Variants in RNF144B observed in about 807,000 individuals in gnomAD.
The protein encoded by RNF144B is ring finger protein 144B.
A neutral mutation model predicts 40.2 loss-of-function variants in RNF144B; 25 were observed. The ratio of observed to expected loss-of-function variants is 0.62; its 90% CI spans 0.45 to 0.87. RNF144B has a LOEUF of 0.87. RNF144B is among the 40% of genes least tolerant of loss of function. The pLI, the probability that RNF144B is intolerant of heterozygous loss-of-function variation, is 0.00. For synonymous variants in RNF144B, 145 were observed against 136.3 expected, an observed-to-expected ratio of 1.06 and a Z score of -0.44; for missense variants, 365 against 373.7, an observed-to-expected ratio of 0.98 and a Z score of 0.19.
At chr6:18,396,375 A>G in intron 1 of RNF144B, 1 of 956,354 alleles carries the variant, frequency 1.0e-6, no homozygotes, top group Non-Finnish European at 1.2e-6. Flanking sequence ...TTGTTTTTCA[A>G]GAGTACATTA....
At chr6:18,449,399 T>G (rs1759158185) in intron 4 of RNF144B, among the ~76,000 whole-genome samples, 1 of 152,220 alleles carries the variant, frequency 6.6e-6, no homozygotes, top group Non-Finnish European at 1.5e-5. Flanking sequence ...AGGCTTTATC[T>G]CTAGCAATTT....
At chr6:18,403,188 A>G (rs1345698641) in intron 2 of RNF144B, among the ~76,000 whole-genome samples, 1 of 152,228 alleles carries the variant, frequency 6.6e-6, no homozygotes, top group African/African-American at 2.4e-5. Flanking sequence ...GCGTTCTTTC[A>G]GATAATGCCA....
At position 18,467,971 on chromosome 6, in the gene RNF144B, C is replaced by G. The variant is rs1759608429; in HGVS notation, c.*2904C>G. On this transcript the variant is annotated 3_prime_UTR_variant, in exon 8 of 8. Coordinates refer to ENST00000259939, the MANE Select transcript of RNF144B (RefSeq NM_182757.4). ...CAGTTTTAACTGACAACTTTGATAACAGAGGCTGCTATTTTTGTTTTAGAT... is the reference window on the plus strand; with the variant it reads ...CAGTTTTAACTGACAACTTTGATAAGAGAGGCTGCTATTTTTGTTTTAGAT... 6.6e-6 allele frequency: 1 copy of G among 152,156 alleles called. No individual in the cohort carries two copies. Among genetic ancestry groups the G allele is most frequent in the Admixed American group, 6.5e-5 (1 of 15,274 alleles). The allele number at this position is 152,156 out of a possible 1,614,324, so 9.4% of individuals were successfully genotyped here.
chr6:18,405,462 A>C lies in RNF144B; in HGVS notation c.165+5763A>C, dbSNP rs1794885342. On this transcript the variant is annotated intron_variant, in intron 2 of 7. Coordinates refer to ENST00000259939, the MANE Select transcript of RNF144B (RefSeq NM_182757.4). This position sits in a 1 kb window ranked among gnomAD's most constrained non-coding sequence, Gnocchi z 4.5. Reference sequence around the variant, plus strand: ...AGTGCTGGGATTATAGGCGTGAGCCACCGTGCCCAGCCGCAAGGTTAGTTT... The same window carrying C: ...AGTGCTGGGATTATAGGCGTGAGCCCCCGTGCCCAGCCGCAAGGTTAGTTT... 6.6e-6 allele frequency among the ~76,000 whole-genome samples: 1 copy of C among 152,210 alleles called. No homozygotes were observed. The highest frequency in any genetic ancestry group is 2.1e-4 in the South Asian group (1 of 4,824).
At chr6:18,394,270 T>G (rs1794645510) in intron 1 of RNF144B, among the ~76,000 whole-genome samples, 2 of 152,198 alleles carry the variant, frequency 1.3e-5, no homozygotes, top group Admixed American at 6.5e-5. Flanking sequence ...GTGTTGATTT[T>G]GGATAATCAA....
Position 18,398,164 on chromosome 6 carries a change from C to G in RNF144B, c.-36-1335C>G, listed in dbSNP as rs9371055. 0.21 allele frequency among the ~76,000 whole-genome samples: 31,294 copies of G among 152,024 alleles called. 3,715 individuals carry two copies. The highest frequency in any genetic ancestry group is 0.41 in the East Asian group (2,108 of 5,160). The stretch of plus-strand genomic sequence containing the variant: ...CTTCATTTCCCCCTCCCACCAGCCC[C>G]TGGTAACCTCTATTCTTCTTTTTGT... On this transcript the variant is annotated intron_variant, in intron 1 of 7. Coordinates refer to ENST00000259939, the MANE Select transcript of RNF144B (RefSeq NM_182757.4). This position sits in a 1 kb window ranked among gnomAD's most constrained non-coding sequence, Gnocchi z 5.0.
chr6:18,407,643 A>G (rs1794940068), intron 2 of RNF144B, among the ~76,000 whole-genome samples: 2 of 152,198 alleles, frequency 1.3e-5, no homozygotes, highest in Non-Finnish European at 2.9e-5. Flanking sequence ...TGTAAATTCT[A>G]ACTATTAGCG....
rs1349063020 is a variant in RNF144B, at chr6:18,467,510, G to A, written c.*2443G>A. On this transcript the variant is annotated 3_prime_UTR_variant, in exon 8 of 8. Coordinates refer to ENST00000259939, the MANE Select transcript of RNF144B (RefSeq NM_182757.4). ...AACATTGAAAAGTGCCTGAAAAATG[G>A]TAAATTCTTAAATGTGTGTGAGATT... The A allele has an allele frequency of 6.9e-6, 1 of 144,946 alleles. No homozygotes were observed. Among genetic ancestry groups the A allele is most frequent in the Non-Finnish European group, 1.5e-5 (1 of 67,146 alleles). The allele number at this position is 144,946 out of a possible 1,614,324, so 9.0% of individuals were successfully genotyped here. A position where few individuals can be genotyped will look rare whatever the true frequency, so the allele number is the denominator to read the frequency against.
chr6:18,433,506 T>C (rs1443995558), intron 3 of RNF144B, among the ~76,000 whole-genome samples: 1 of 152,138 alleles, frequency 6.6e-6, no homozygotes, highest in Non-Finnish European at 1.5e-5. Context: ...CCACAGTGAG[T>C]TGAATGTGTC....
intron 4 of RNF144B, among the ~76,000 whole-genome samples, chr6:18,455,761 A>T (rs530416187): frequency 2.0e-5 from 3 of 152,290 alleles, no homozygotes; most frequent in East Asian, 3.9e-4. Flanking sequence ...AAACACTTAA[A>T]TAGATGGCTG....
rs1206007638 is a variant in RNF144B, at chr6:18,398,452, AC to A, written c.-36-1045del. Among the ~76,000 whole-genome samples the A allele has an allele frequency of 3.8e-4, 58 of 152,032 alleles. No individual in the cohort carries two copies. Among genetic ancestry groups the A allele is most frequent in the African/African-American group, 1.3e-3 (55 of 41,378 alleles). Reference sequence around the variant, plus strand: ...GGTGACGCAATCTTGACTCACTGCAACCTCTGCCTCCTGGGTTCAAGTGATT... The same window carrying A: ...GGTGACGCAATCTTGACTCACTGCAACTCTGCCTCCTGGGTTCAAGTGATT... On this transcript the variant is annotated intron_variant, in intron 1 of 7. Transcript: ENST00000259939. This position sits in a 1 kb window ranked among gnomAD's most constrained non-coding sequence, Gnocchi z 5.0.
At chr6:18,397,111 C>T (rs1005228989) in intron 1 of RNF144B, among the ~76,000 whole-genome samples, 2 of 152,150 alleles carry the variant, frequency 1.3e-5, no homozygotes, top group African/African-American at 4.8e-5. Context: ...ACCTTGAATG[C>T]TTCAGGTTGC....
At chr6:18,437,750 T>TC (rs1187970425) in intron 3 of RNF144B, among the ~76,000 whole-genome samples, 1 of 152,216 alleles carries the variant, frequency 6.6e-6, no homozygotes, top group African/African-American at 2.4e-5. Flanking sequence ...AAATTAAACA[T>TC]CCATCTCTAC....
At chr6:18,426,967 G>GAGA (rs71536791) in intron 2 of RNF144B, among the ~76,000 whole-genome samples, 18,210 of 151,896 alleles carry the variant, frequency 0.12, 1,297 homozygotes, top group Admixed American at 0.19. Flanking sequence ...CCATATTTTT[G>GAGA]AGGTCTCATT....
Position 18,456,266 on chromosome 6 carries a change from A to G in RNF144B, c.332-889A>G, listed in dbSNP as rs1393103903. On this transcript the variant is annotated intron_variant, in intron 4 of 7. Coordinates refer to ENST00000259939, the MANE Select transcript of RNF144B (RefSeq NM_182757.4). This position sits in a 1 kb window ranked among gnomAD's most constrained non-coding sequence, Gnocchi z 4.7. ...CATTGTCCCTAAGTTGCACATTGGT[A>G]GGGAGCAGAATATCCAAACTGACAG... is the stretch of plus-strand genomic sequence containing the variant. Among the ~76,000 whole-genome samples, 2 of 152,188 alleles carry G rather than the reference A, an allele frequency of 1.3e-5. No individual in the cohort carries two copies. The highest frequency in any genetic ancestry group is 2.9e-5 in the Non-Finnish European group (2 of 68,028).
chr6:18,399,520 G>A lies in RNF144B; in HGVS notation c.-15G>A, dbSNP rs375530244. ...ATAGGGATTGAGGAGACTGAAGAAT[G>A]CTGAAGACAGGCTGATGGGCTCAGC... On this transcript the variant is annotated 5_prime_UTR_variant, in exon 2 of 8. The change abolishes an upstream ATG in the 5' untranslated region. Transcript: ENST00000259939. The A allele has an allele frequency of 1.2e-5, 19 of 1,613,394 alleles. No individual in the cohort carries two copies. The African/African-American group carries it at 2.4e-4, about 20-fold the overall frequency.
intron 2 of RNF144B, 118 bp from the exon 3 acceptor site, chr6:18,427,463 T>C (rs149737278): frequency 2.5e-5 from 15 of 606,780 alleles, no homozygotes; most frequent in Middle Eastern, 5.9e-4. Context: ...TTATGTTTCT[T>C]GAGTACAAGA....
intron 3 of RNF144B, among the ~76,000 whole-genome samples, chr6:18,431,531 C>G (rs1256438537): frequency 1.3e-5 from 2 of 152,158 alleles, no homozygotes; most frequent in East Asian, 3.9e-4. Flanking sequence ...GAGTATACCA[C>G]AATGGGGTTC....
At chr6:18,394,393 T>C (rs1794649370) in intron 1 of RNF144B, among the ~76,000 whole-genome samples, 1 of 151,550 alleles carries the variant, frequency 6.6e-6, no homozygotes, top group Admixed American at 6.6e-5. Flanking sequence ...AGGTCAGGAG[T>C]TCAAGACCAG....
Sources: gnomAD v4.1 joint callset for allele counts (sites outside exome capture counted in the v4.1 genomes callset) on GRCh38, gnomAD v4.1.1 for gene constraint, Gnocchi (gnomAD v3.1) non-coding constraint, MANE v1.5 for transcripts, NCBI Gene and HGNC (gene_info 2026-07-23, HGNC 2026-07-21) for gene names.